The following WIF1 variants were observed in gnomAD, a reference collection of about 807,000 sequenced individuals.
WIF1 encodes the protein Wnt inhibitory factor 1.
Under a neutral mutation model 53.5 loss-of-function variants are expected in WIF1, and 35 were observed. That is an observed-to-expected ratio of 0.65 (90% confidence interval 0.50 to 0.87). The LOEUF (loss-of-function observed/expected upper bound fraction) is 0.87, where lower values mean the gene tolerates loss of function less well. Among genes scored for constraint, WIF1 ranks in the 40% least tolerant of loss-of-function variants. WIF1 has a pLI of 0.00. For missense variants in WIF1, 467 were observed against 476.8 expected, an observed-to-expected ratio of 0.98 and a Z score of 0.19; for synonymous variants, 171 against 170.4, an observed-to-expected ratio of 1.00 and a Z score of -0.03.
At chr12:65,093,671 T>C (rs983477205) in intron 2 of WIF1, among the ~76,000 whole-genome samples, 10 of 152,096 alleles carry the variant, frequency 6.6e-5, no homozygotes, top group African/African-American at 9.6e-5. Context: ...AAAAAATACA[T>C]ACACACACAC....
At chr12:65,098,819 C>T (rs986526906) in intron 2 of WIF1, among the ~76,000 whole-genome samples, 1 of 152,080 alleles carries the variant, frequency 6.6e-6, no homozygotes, top group Non-Finnish European at 1.5e-5. Flanking sequence ...AAAACCCTGC[C>T]CTGGTTGTCA....
intron 2 of WIF1, among the ~76,000 whole-genome samples, chr12:65,089,921 T>C (rs1883098144): frequency 6.7e-6 from 1 of 148,744 alleles, no homozygotes; most frequent in Non-Finnish European, 1.5e-5. Flanking sequence ...TCTTCTTATT[T>C]GAATCTGCAG....
At chr12:65,088,545 G>A (rs949114291) in intron 2 of WIF1, among the ~76,000 whole-genome samples, 2 of 152,034 alleles carry the variant, frequency 1.3e-5, no homozygotes, top group Non-Finnish European at 2.9e-5. Context: ...CTTTACTACG[G>A]TATGGTTTTT....
chr12:65,100,773 C>T (rs919032811), intron 2 of WIF1, among the ~76,000 whole-genome samples: 15 of 152,018 alleles, frequency 9.9e-5, no homozygotes, highest in African/African-American at 1.7e-4. Flanking sequence ...GTAATCCCAG[C>T]GCTTTGGGAG....
intron 2 of WIF1, among the ~76,000 whole-genome samples, chr12:65,111,101 C>T (rs1387535123): frequency 6.6e-6 from 1 of 152,222 alleles, no homozygotes; most frequent in Admixed American, 6.5e-5. Context: ...AACAGGGCTA[C>T]TGCCAAGTCA....
chr12:65,067,035 A>G (rs1187475919), intron 5 of WIF1, among the ~76,000 whole-genome samples: 1 of 152,108 alleles, frequency 6.6e-6, no homozygotes, highest in East Asian at 1.9e-4. Context: ...AAACTGTTAA[A>G]TATTTTCACT....
chr12:65,080,801 A>G (rs1443035177), intron 2 of WIF1, among the ~76,000 whole-genome samples: 1 of 152,216 alleles, frequency 6.6e-6, no homozygotes, highest in Non-Finnish European at 1.5e-5. Context: ...ATAGAATGCA[A>G]AAAACTTTGA....
At chr12:65,098,431 G>A (rs1883235532) in intron 2 of WIF1, among the ~76,000 whole-genome samples, 5 of 152,118 alleles carry the variant, frequency 3.3e-5, no homozygotes. Context: ...GGAGGGCTAG[G>A]CAGGTTAAGT....
At chr12:65,079,801 AAATT>A (rs1297386919) in intron 2 of WIF1, among the ~76,000 whole-genome samples, 5 of 152,276 alleles carry the variant, frequency 3.3e-5, no homozygotes, top group East Asian at 3.9e-4. Flanking sequence ...GTAATGAATT[AAATT>A]AATTAATTAA....
chr12:65,092,977 G>T (rs1412570867), intron 2 of WIF1, among the ~76,000 whole-genome samples: 1 of 151,998 alleles, frequency 6.6e-6, no homozygotes, highest in Non-Finnish European at 1.5e-5. Context: ...TACTGAGAAG[G>T]GTCAACCATG....
intron 2 of WIF1, among the ~76,000 whole-genome samples, chr12:65,105,244 G>A (rs1222601465): frequency 1.3e-5 from 2 of 152,108 alleles, no homozygotes; most frequent in East Asian, 3.9e-4. Context: ...AGCTGCCTAG[G>A]AAATAAGGGG....
intron 9 of WIF1, among the ~76,000 whole-genome samples, chr12:65,053,332 T>C (rs903849749): frequency 6.6e-6 from 1 of 152,188 alleles, no homozygotes; most frequent in Non-Finnish European, 1.5e-5. Context: ...ATGGTTTGCC[T>C]GTGTCCCCAC....
At chr12:65,114,376 G>A (rs1173504577) in intron 2 of WIF1, among the ~76,000 whole-genome samples, 3 of 152,102 alleles carry the variant, frequency 2.0e-5, no homozygotes, top group African/African-American at 7.2e-5. Context: ...TAGCAAATAT[G>A]TGAGTCCATT....
At chr12:65,082,082 C>G (rs1882958904) in intron 2 of WIF1, among the ~76,000 whole-genome samples, 1 of 151,974 alleles carries the variant, frequency 6.6e-6, no homozygotes, top group African/African-American at 2.4e-5. Context: ...AAATTAAAAG[C>G]CACAAGAAAT....
intron 7 of WIF1, among the ~76,000 whole-genome samples, chr12:65,059,584 A>G (rs1281284176): frequency 6.6e-6 from 1 of 152,144 alleles, no homozygotes; most frequent in Non-Finnish European, 1.5e-5. Flanking sequence ...CTCTAACCAT[A>G]GTTTTGTTAA....
chr12:65,051,846 C>A (rs932308768), intron 9 of WIF1, among the ~76,000 whole-genome samples: 1 of 152,204 alleles, frequency 6.6e-6, no homozygotes, highest in African/African-American at 2.4e-5. Context: ...CACTGCAAAC[C>A]TAACCTAGCT....
At chr12:65,067,426 C>T (rs1032421997) in intron 5 of WIF1, among the ~76,000 whole-genome samples, 13 of 152,222 alleles carry the variant, frequency 8.5e-5, no homozygotes, top group Admixed American at 6.5e-4. Flanking sequence ...GTGATACTAG[C>T]TTTTTAAATC....
chr12:65,099,247 A>G (rs1405724724), intron 2 of WIF1, among the ~76,000 whole-genome samples: 1 of 152,182 alleles, frequency 6.6e-6, no homozygotes, highest in Non-Finnish European at 1.5e-5. Context: ...ATGTTTTCAA[A>G]ATGTATAGAA....
intron 2 of WIF1, among the ~76,000 whole-genome samples, chr12:65,089,611 G>C (rs1883093423): frequency 6.6e-6 from 1 of 152,022 alleles, no homozygotes; most frequent in African/African-American, 2.4e-5. Context: ...ACAGGTCTTT[G>C]ATCTGGCCAT....
Sources: gnomAD v4.1 joint callset for allele counts (sites outside exome capture counted in the v4.1 genomes callset) on GRCh38, gnomAD v4.1.1 for gene constraint, MANE v1.5 for transcripts, NCBI Gene and HGNC (gene_info 2026-07-23, HGNC 2026-07-21) for gene names.